The following RFC2 variants were observed in gnomAD, a reference collection of about 807,000 sequenced individuals.
RFC2 encodes the protein A1 40 kDa subunit.
Under a neutral mutation model 44.8 loss-of-function variants are expected in RFC2, and 34 were observed. That is an observed-to-expected ratio of 0.76 (90% CI 0.58 to 1.01). The LOEUF (loss-of-function observed/expected upper bound fraction) is 1.01, where lower values mean the gene tolerates loss of function less well. Ranked by LOEUF, RFC2 falls within the 50% of genes least tolerant of loss-of-function variation. The probability of loss-of-function intolerance (pLI) is 0.00; values close to 1 mark genes in which losing one functional copy is unlikely to be tolerated. For missense variants in RFC2, 400 were observed against 453.6 expected, an observed-to-expected ratio of 0.88 and a Z score of 1.07; for synonymous variants, 177 against 168.9, an observed-to-expected ratio of 1.05 and a Z score of -0.37.
chr7:74,243,992 T>C (rs965998747), intron 5 of RFC2, among the ~76,000 whole-genome samples: 1 of 150,032 alleles, frequency 6.7e-6, no homozygotes, highest in African/African-American at 2.5e-5. Context: ...GGCTCATGCC[T>C]GTAATCCCAG....
chr7:74,244,991 G>A (rs1803519010), intron 5 of RFC2, among the ~76,000 whole-genome samples: 1 of 151,706 alleles, frequency 6.6e-6, no homozygotes, highest in African/African-American at 2.4e-5. Flanking sequence ...CAACGTTATA[G>A]GGTTAGGGTT....
chr7:74,247,509 G>A (rs139612567), intron 4 of RFC2, among the ~76,000 whole-genome samples: 8 of 152,272 alleles, frequency 5.3e-5, no homozygotes, highest in Non-Finnish European at 1.0e-4. Context: ...GCGTGCCCGC[G>A]CACGCCTGTA....
At chr7:74,237,228 C>T (rs1475922045) in intron 9 of RFC2, 134 bp downstream of exon 9, 7 of 612,878 alleles carry the variant, frequency 1.1e-5, no homozygotes, top group Non-Finnish European at 2.1e-5. Flanking sequence ...ATCCTCCTGC[C>T]TCAGTCTCCC....
intron 2 of RFC2, among the ~76,000 whole-genome samples, chr7:74,251,856 G>C (rs1400095516): frequency 2.7e-5 from 4 of 145,584 alleles, no homozygotes; most frequent in Non-Finnish European, 4.5e-5. Context: ...CCAGCACTTT[G>C]GGAGGCCGAG....
intron 9 of RFC2, among the ~76,000 whole-genome samples, chr7:74,236,916 G>A (rs1554718399): frequency 1.3e-5 from 2 of 152,090 alleles, no homozygotes; most frequent in East Asian, 1.9e-4. Context: ...CTGTGACCGC[G>A]CCAGTGCATT....
Position 74,254,390 on chromosome 7 carries a change from G to A in RFC2, c.-7C>T, listed in dbSNP as rs41552418. On this transcript the variant is annotated 5_prime_UTR_variant, in exon 1 of 11. Coordinates refer to ENST00000055077, the MANE Select transcript of RFC2 (RefSeq NM_181471.3). ...AGACGGCCTCCACCTCCATTCTCGC[G>A]CCTCCTCTTCCCGCCACCCGAGGCA... The A allele has an allele frequency of 6.9e-3, 10,944 of 1,579,840 alleles. 92 individuals carry two copies. Among genetic ancestry groups the A allele is most frequent in the South Asian group, 0.019 (1,706 of 88,602 alleles).
intron 7 of RFC2, among the ~76,000 whole-genome samples, chr7:74,239,230 T>C (rs1803189739): frequency 6.8e-6 from 1 of 147,210 alleles, no homozygotes; most frequent in African/African-American, 2.5e-5. Flanking sequence ...GCATGGAGTG[T>C]AGTGGCACAA....
intron 10 of RFC2, among the ~76,000 whole-genome samples, chr7:74,232,652 C>G (rs1257592753): frequency 6.6e-6 from 1 of 152,068 alleles, no homozygotes; most frequent in Non-Finnish European, 1.5e-5. Flanking sequence ...GGATCACGAG[C>G]CCAGGAGTTC....
chr7:74,239,262 G>A (rs1257714914), intron 7 of RFC2, among the ~76,000 whole-genome samples: 5 of 144,098 alleles, frequency 3.5e-5, no homozygotes, highest in South Asian at 2.2e-4. Flanking sequence ...TGCAATCTCC[G>A]TATCCCAGGT....
chr7:74,233,757 C>T, intron 10 of RFC2: 1 of 450,788 alleles, frequency 2.2e-6, no homozygotes, highest in South Asian at 1.6e-5. Flanking sequence ...TAAGCCACTG[C>T]ATCCGGTCAT....
At chr7:74,247,639 C>T (rs1554720290) in intron 4 of RFC2, among the ~76,000 whole-genome samples, 2 of 149,190 alleles carry the variant, frequency 1.3e-5, no homozygotes, top group African/African-American at 4.9e-5. Flanking sequence ...GACTCTGTCT[C>T]AAAAAAAAAG....
Position 74,254,368 on chromosome 7 carries a change from C to T in RFC2, c.16G>A (p.Val6Ile), listed in dbSNP as rs782812400. 1.1e-5 allele frequency: 18 copies of T among 1,604,502 alleles called. No homozygotes were observed. Among genetic ancestry groups the T allele is most frequent in the Non-Finnish European group, 9.4e-6 (11 of 1,174,924 alleles). Reference sequence around the variant, plus strand: ...TCCACCTCGCCCGCGCCACCACAGACGGCCTCCACCTCCATTCTCGCGCCT... The same window carrying T: ...TCCACCTCGCCCGCGCCACCACAGATGGCCTCCACCTCCATTCTCGCGCCT... MEVEA[V>I]CGGAGEVEAQ... is the part of the protein sequence containing the mutation. Residue 6 changes from valine (V) to isoleucine (I), a missense_variant, in exon 1 of 11, where the codon GTC (valine) becomes ATC (isoleucine). Coordinates refer to ENST00000055077, the MANE Select transcript of RFC2 (RefSeq NM_181471.3).
At chr7:74,239,454 C>A (rs1358579013) in intron 7 of RFC2, among the ~76,000 whole-genome samples, 2 of 152,086 alleles carry the variant, frequency 1.3e-5, no homozygotes, top group East Asian at 3.9e-4. Flanking sequence ...GCCTCAGCCT[C>A]ACGAGTAGCT....
At chr7:74,244,582 T>G (rs1803498490) in intron 5 of RFC2, among the ~76,000 whole-genome samples, 1 of 151,660 alleles carries the variant, frequency 6.6e-6, no homozygotes, top group Non-Finnish European at 1.5e-5. Flanking sequence ...TTGGCCAGGC[T>G]GGTTTCGAAC....
intron 10 of RFC2, among the ~76,000 whole-genome samples, chr7:74,234,615 T>A (rs781976984): frequency 6.6e-6 from 1 of 151,962 alleles, no homozygotes; most frequent in Non-Finnish European, 1.5e-5. Context: ...TGGTCCCCAA[T>A]GTGGGGATGT....
chr7:74,245,313 C>T (rs977700660), intron 5 of RFC2, among the ~76,000 whole-genome samples: 1 of 151,856 alleles, frequency 6.6e-6, no homozygotes, highest in Admixed American at 6.6e-5. Flanking sequence ...AGCCACCGAG[C>T]CTGGACTCAG....
chr7:74,233,540 G>T (rs1224093160), intron 10 of RFC2, among the ~76,000 whole-genome samples: 1 of 151,486 alleles, frequency 6.6e-6, no homozygotes, highest in Non-Finnish European at 1.5e-5. Flanking sequence ...CAAATTAAAG[G>T]CACAATGAGA....
intron 2 of RFC2, among the ~76,000 whole-genome samples, chr7:74,251,388 C>G (rs1554721006): frequency 6.6e-6 from 1 of 152,080 alleles, no homozygotes; most frequent in Admixed American, 6.5e-5. Context: ...ACTGGTTTCA[C>G]CACATTGCCC....
chr7:74,252,501 G>T lies in RFC2; in HGVS notation c.114-3C>A. The T allele has an allele frequency of 1.3e-6, 2 of 1,580,102 alleles. No homozygotes were observed. Among genetic ancestry groups the T allele is most frequent in the Non-Finnish European group, 8.7e-7 (1 of 1,149,572 alleles). Reference sequence around the variant, plus strand: ...TTACTGGCCTATATTTTTCAACCCTGTTAAGAAAATGCATAAAAATGCTGA... The same window carrying T: ...TTACTGGCCTATATTTTTCAACCCTTTTAAGAAAATGCATAAAAATGCTGA... On this transcript the variant is annotated splice_polypyrimidine_tract_variant and splice_region_variant and intron_variant, in intron 1 of 10. Transcript: ENST00000055077.
Sources: allele counts gnomAD v4.1 joint callset (sites outside exome capture counted in the v4.1 genomes callset), GRCh38; gene constraint gnomAD v4.1.1; transcripts MANE v1.5; gene names NCBI Gene and HGNC (gene_info 2026-07-23, HGNC 2026-07-21).